Variants in MN1 observed in about 807,000 individuals in gnomAD.
The protein encoded by MN1 is MN1 proto-oncogene, transcriptional regulator, also known as transcriptional activator MN1.
MN1 carries 19 observed loss-of-function variants against 86.9 expected under a neutral mutation model. That is an observed-to-expected ratio of 0.22 (90% confidence interval 0.15 to 0.32). The LOEUF (loss-of-function observed/expected upper bound fraction) is 0.32, where lower values mean the gene tolerates loss of function less well. MN1 is among the 10% of genes least tolerant of loss of function. The pLI, the probability that MN1 is intolerant of heterozygous loss-of-function variation, is 1.00. For synonymous variants in MN1, 928 were observed against 849.6 expected (o/e 1.09, Z -1.60); for missense variants, 1,841 against 1,862.0 (o/e 0.99, Z 0.21).
intron 1 of MN1, among the ~76,000 whole-genome samples, chr22:27,776,528 T>A (rs1157768250): frequency 2.0e-5 from 3 of 151,686 alleles, no homozygotes; most frequent in African/African-American, 7.3e-5. Flanking sequence ...GGCTGGGGGG[T>A]GGCTCTGAAA....
intron 1 of MN1, among the ~76,000 whole-genome samples, chr22:27,789,236 C>T (rs1297575862): frequency 6.6e-6 from 1 of 152,030 alleles, no homozygotes; most frequent in Non-Finnish European, 1.5e-5. Context: ...TCTTTGAAGT[C>T]CCCAACTTTC....
chr22:27,761,213 C>T (rs895428293), intron 1 of MN1, among the ~76,000 whole-genome samples: 2 of 150,848 alleles, frequency 1.3e-5, no homozygotes, highest in Non-Finnish European at 3.0e-5. Context: ...CGTTCTCGCT[C>T]TCTCTCTTTC....
At chr22:27,779,438 C>T (rs1019192050) in intron 1 of MN1, among the ~76,000 whole-genome samples, 3 of 152,214 alleles carry the variant, frequency 2.0e-5, no homozygotes, top group African/African-American at 7.2e-5. Context: ...ACCTAAACAG[C>T]CAACGGCATG....
At chr22:27,771,244 TTA>T (rs1932912504) in intron 1 of MN1, among the ~76,000 whole-genome samples, 1 of 135,304 alleles carries the variant, frequency 7.4e-6, no homozygotes, top group African/African-American at 2.9e-5. Flanking sequence ...TTTTTTTTTT[TTA>T]GAGATAGGGT....
At chr22:27,766,226 G>C (rs765512600) in intron 1 of MN1, among the ~76,000 whole-genome samples, 14 of 152,188 alleles carry the variant, frequency 9.2e-5, no homozygotes, top group Non-Finnish European at 1.3e-4. Flanking sequence ...CACCCAAGTG[G>C]GTGTTCCCCA....
In MN1 at chr22:27,798,345, C is replaced by G; in HGVS notation, c.2199G>C (p.Pro733=). Residue 733 remains proline, a synonymous_variant, in exon 1 of 2, where the codon CCG becomes CCC. Coordinates refer to ENST00000302326, the MANE Select transcript of MN1 (RefSeq NM_002430.3). ...CCCCGAGCGCAGACGTAGCAAAGTCCGGCGGCGGGGGCCGGCGCTCCGAAG... is the reference window on the plus strand; with the variant it reads ...CCCCGAGCGCAGACGTAGCAAAGTCGGGCGGCGGGGGCCGGCGCTCCGAAG... ...SAASERRPPP[P]DFATSALGGQ... is the part of the protein sequence containing the mutation. The G allele has an allele frequency of 6.6e-7, 1 of 1,508,774 alleles. No homozygotes were observed. The highest frequency in any genetic ancestry group is 8.8e-7 in the Non-Finnish European group (1 of 1,137,864). 93.5% of individuals were successfully genotyped at this position (1,508,774 alleles called of 1,614,324 possible).
At chr22:27,796,233 C>T (rs1386016449) in intron 1 of MN1, among the ~76,000 whole-genome samples, 2 of 152,104 alleles carry the variant, frequency 1.3e-5, no homozygotes, top group African/African-American at 4.8e-5. Flanking sequence ...GTGATGCTGC[C>T]GACACCAGGG....
chr22:27,773,314 C>T (rs551821287), intron 1 of MN1, among the ~76,000 whole-genome samples: 92 of 152,330 alleles, frequency 6.0e-4, no homozygotes, highest in African/African-American at 1.9e-3. Context: ...CATTTTACCA[C>T]GGCAGAATAT....
intron 1 of MN1, among the ~76,000 whole-genome samples, chr22:27,765,744 C>T (rs113900536): frequency 8.9e-4 from 135 of 152,256 alleles, no homozygotes; most frequent in Non-Finnish European, 1.6e-3. Context: ...GGCCACGCAG[C>T]GAAAATGGCA....
At chr22:27,785,480 G>GT (rs986016037) in intron 1 of MN1, among the ~76,000 whole-genome samples, 4 of 152,156 alleles carry the variant, frequency 2.6e-5, no homozygotes, top group Admixed American at 2.0e-4. Flanking sequence ...TTTCCAAAAA[G>GT]TTTTTTTAAA....
chr22:27,767,649 A>G (rs1315543749), intron 1 of MN1, among the ~76,000 whole-genome samples: 4 of 152,174 alleles, frequency 2.6e-5, no homozygotes, highest in African/African-American at 9.7e-5. Context: ...CTGGACCTAC[A>G]GGGATAATCT....
rs765084880 is a variant in MN1 at position 27,800,094 on chromosome 22, G to A, written c.450C>T (p.Ala150=). The part of the protein sequence containing the change: ...AGGLGSQPPF[A]EGYEHMAESQ... ...TCTCCGCCATGTGCTCATAGCCCTC[G>A]GCGAAGGGCGGCTGGCTGCCCAGGC... Residue 150 remains alanine, a synonymous_variant, in exon 1 of 2, where the codon GCC becomes GCT. Coordinates refer to ENST00000302326, the MANE Select transcript of MN1 (RefSeq NM_002430.3). 38 of 1,588,148 alleles carry A rather than the reference G, an allele frequency of 2.4e-5. No individual in the cohort carries two copies. The Admixed American group carries it at 6.3e-4, about 27-fold the overall frequency.
rs1368446770 is a variant in MN1, at chr22:27,798,693, G to A, written c.1851C>T (p.Thr617=). 5.2e-6 allele frequency: 8 copies of A among 1,538,570 alleles called. No individual in the cohort carries two copies. Among genetic ancestry groups the A allele is most frequent in the African/African-American group, 4.1e-5 (3 of 73,022 alleles). Residue 617 remains threonine, a synonymous_variant, in exon 1 of 2, where the codon ACC becomes ACT. Transcript: ENST00000302326. ...CCAAGTGCGGCGCCTGCTGCTCGAA[G>A]GTGCCCAGACGCCCGGCGCCCGTGC... ...GGSTGAGRLG[T]FEQQAPHLAQ... is the part of the protein sequence containing the mutation.
Position 27,800,450 on chromosome 22 carries a change from T to G in MN1, c.94A>C (p.Thr32Pro), listed in dbSNP as rs762346186. 1 of 1,614,024 alleles carries G rather than the reference T, an allele frequency of 6.2e-7. No homozygotes were observed. Among genetic ancestry groups the G allele is most frequent in the African/African-American group, 1.3e-5 (1 of 74,924 alleles). Residue 32 changes from threonine to proline, a missense_variant, in exon 1 of 2, where the codon ACC becomes CCC. Thr to Pro is a conservative substitution (Grantham distance 38). Coordinates refer to ENST00000302326, the MANE Select transcript of MN1 (RefSeq NM_002430.3). ...TGGAAAGCCGGGGCCTTAAAGTGGG[T>G]GTTCATGCTCAGTCCGGTCTCGTTA... ...NFNETGLSMN[T>P]HFKAPAFHTG...
intron 1 of MN1, among the ~76,000 whole-genome samples, chr22:27,788,675 TTA>T (rs938997301): frequency 6.6e-6 from 1 of 151,088 alleles, no homozygotes; most frequent in Non-Finnish European, 1.5e-5. Context: ...GAGCAAGAAG[TTA>T]TGTGTGTGTG....
intron 1 of MN1, among the ~76,000 whole-genome samples, chr22:27,758,553 A>T (rs1217458853): frequency 6.6e-6 from 1 of 152,172 alleles, no homozygotes; most frequent in African/African-American, 2.4e-5. Flanking sequence ...CCTCACCAAC[A>T]GGCCACCAAA....
intron 1 of MN1, among the ~76,000 whole-genome samples, chr22:27,758,137 C>T (rs2146294941): frequency 6.6e-6 from 1 of 152,242 alleles, no homozygotes; most frequent in East Asian, 1.9e-4. Flanking sequence ...CCTTCCATGG[C>T]TCCCCAGTGC....
intron 1 of MN1, among the ~76,000 whole-genome samples, chr22:27,787,907 A>T (rs1374347565): frequency 3.3e-5 from 5 of 152,140 alleles, no homozygotes; most frequent in Non-Finnish European, 7.4e-5. Flanking sequence ...CAGACCCACA[A>T]TGCGGTCATC....
At chr22:27,752,966 C>T (rs1387916054) in intron 1 of MN1, among the ~76,000 whole-genome samples, 1 of 152,208 alleles carries the variant, frequency 6.6e-6, no homozygotes, top group African/African-American at 2.4e-5. Context: ...AGGAGGCCTC[C>T]CCCAGGAGCT....
Sources: allele counts gnomAD v4.1 joint callset (sites outside exome capture counted in the v4.1 genomes callset), GRCh38; gene constraint gnomAD v4.1.1; transcripts MANE v1.5; gene names NCBI Gene and HGNC (gene_info 2026-07-23, HGNC 2026-07-21).